Variants in NAT8L observed in about 807,000 individuals in gnomAD.
The protein encoded by NAT8L is N-acetylaspartate synthetase.
Under a neutral mutation model 21.2 loss-of-function variants are expected in NAT8L, and 6 were observed. That is an observed-to-expected ratio of 0.28 (90% CI 0.16 to 0.56). NAT8L has a LOEUF of 0.56. NAT8L is among the 20% of genes least tolerant of loss of function. NAT8L has a pLI of 0.93. For missense variants in NAT8L, 331 were observed against 433.3 expected (o/e 0.76, Z 2.10); for synonymous variants, 239 against 204.9 (o/e 1.17, Z -1.42).
At position 2,060,052 on chromosome 4, in the gene NAT8L, G is replaced by C. The variant is rs1729822887; in HGVS notation, c.376+165G>C. Among the ~76,000 whole-genome samples the C allele has an allele frequency of 1.3e-5, 2 of 151,696 alleles. No homozygotes were observed. Among genetic ancestry groups the C allele is most frequent in the African/African-American group, 4.8e-5 (2 of 41,376 alleles). ...GCGCAGGGCTGGCTATGGGCGTGGG[G>C]ATGGGCGCAGGGCCCCGAGCGGGCC... On this transcript the variant is annotated intron_variant, in intron 1 of 2. Transcript: ENST00000423729. The surrounding 1 kb of genome is among the most constrained non-coding windows in gnomAD (Gnocchi z 4.7).
intron 2 of NAT8L, among the ~76,000 whole-genome samples, chr4:2,061,957 C>T (rs556661592): frequency 6.6e-6 from 1 of 152,282 alleles, no homozygotes; most frequent in South Asian, 2.1e-4. Context: ...CCATGCTCCA[C>T]CCCCGCGCCA....
At chr4:2,062,621 C>G (rs1309028374) in intron 2 of NAT8L, among the ~76,000 whole-genome samples, 2 of 152,030 alleles carry the variant, frequency 1.3e-5, no homozygotes, top group Admixed American at 6.5e-5. Flanking sequence ...AGTGGCTCCC[C>G]CCCACGCTGC....
In NAT8L at chr4:2,064,594, G is replaced by C. The variant is rs569932277; in HGVS notation, c.*467G>C. The C allele has an allele frequency of 6.5e-6, 1 of 153,198 alleles. No individual in the cohort carries two copies. The highest frequency in any genetic ancestry group is 1.5e-5 in the Non-Finnish European group (1 of 68,944). 9.5% of individuals were successfully genotyped at this position (153,198 alleles called of 1,614,324 possible). On this transcript the variant is annotated 3_prime_UTR_variant, in exon 3 of 3. Transcript: ENST00000423729. Reference sequence around the variant, plus strand: ...TCCGCGCATGCCGAGGGTGTGGCCCGGCTGAGCATGCCGCATGCACACAGC... The same window carrying C: ...TCCGCGCATGCCGAGGGTGTGGCCCCGCTGAGCATGCCGCATGCACACAGC...
Position 2,059,355 on chromosome 4 carries a change from C to T in NAT8L, c.-157C>T, listed in dbSNP as rs2108679223. Among the ~76,000 whole-genome samples, 1 of 145,060 alleles carries T rather than the reference C, an allele frequency of 6.9e-6. No individual in the cohort carries two copies. Among genetic ancestry groups the T allele is most frequent in the South Asian group, 2.1e-4 (1 of 4,746 alleles). On this transcript the variant is annotated 5_prime_UTR_variant, in exon 1 of 3. Transcript: ENST00000423729. This position sits in a 1 kb window ranked among gnomAD's most constrained non-coding sequence, Gnocchi z 4.8. ...TGCGCGCGCCCCGGCCGCCCGCCGC[C>T]TCCGCCCCGCGCCCCTGAGCTGCCG...
chr4:2,064,823 G>C lies in NAT8L; in HGVS notation c.*696G>C, dbSNP rs1459532271. On this transcript the variant is annotated 3_prime_UTR_variant, in exon 3 of 3. Transcript: ENST00000423729. The stretch of plus-strand genomic sequence containing the variant: ...TCTGGCTCCGGCCCCTCCCCTGCCT[G>C]GGCTGTGCTGACTGGTGTCATCACC... 2 of 153,250 alleles carry C rather than the reference G, an allele frequency of 1.3e-5. No homozygotes were observed. Among genetic ancestry groups the C allele is most frequent in the Non-Finnish European group, 2.9e-5 (2 of 68,682 alleles). 9.5% of individuals were successfully genotyped at this position (153,250 alleles called of 1,614,324 possible). A position where few individuals can be genotyped will look rare whatever the true frequency, so the allele number is the denominator to read the frequency against.
In NAT8L at chr4:2,067,570, C is replaced by G. The variant is rs1408001689; in HGVS notation, c.*3443C>G. ...GGACCTGGCTCCCCTCTGAGAGGCC[C>G]GCCTGCCCTGGGGCACCCAGGGCTG... is the stretch of plus-strand genomic sequence containing the variant. On this transcript the variant is annotated 3_prime_UTR_variant, in exon 3 of 3. Transcript: ENST00000423729. 1 of 152,292 alleles carries G rather than the reference C, an allele frequency of 6.6e-6. No homozygotes were observed. The highest frequency in any genetic ancestry group is 2.4e-5 in the African/African-American group (1 of 41,456). The allele number at this position is 152,292 out of a possible 1,614,324, so 9.4% of individuals were successfully genotyped here. A position where few individuals can be genotyped will look rare whatever the true frequency, so the allele number is the denominator to read the frequency against.
chr4:2,062,148 C>G (rs942095753), intron 2 of NAT8L, among the ~76,000 whole-genome samples: 2 of 152,160 alleles, frequency 1.3e-5, no homozygotes, highest in Admixed American at 6.5e-5. Context: ...CCCTCTGGGC[C>G]GTGGCCTCCC....
At chr4:2,061,733 C>A (rs57419343) in intron 2 of NAT8L, among the ~76,000 whole-genome samples, 8,298 of 152,184 alleles carry the variant, frequency 0.055, 798 homozygotes, top group African/African-American at 0.19. Flanking sequence ...GTTCTCCACC[C>A]TCGGGCTGGC....
Position 2,068,631 on chromosome 4 carries a change from G to A in NAT8L, c.*4504G>A, listed in dbSNP as rs1443789175. 2 of 152,256 alleles carry A rather than the reference G, an allele frequency of 1.3e-5. No homozygotes were observed. Among genetic ancestry groups the A allele is most frequent in the Non-Finnish European group, 2.9e-5 (2 of 68,058 alleles). 9.4% of individuals were successfully genotyped at this position (152,256 alleles called of 1,614,324 possible). ...TGTAGAGTGTACATGTGTGTTGCAT[G>A]AGCATGCATGCGTGCGAGTGCCTGT... On this transcript the variant is annotated 3_prime_UTR_variant, in exon 3 of 3. Coordinates refer to ENST00000423729, the MANE Select transcript of NAT8L (RefSeq NM_178557.4).
Position 2,065,057 on chromosome 4 carries a change from T to C in NAT8L, c.*930T>C, listed in dbSNP as rs1344081696. On this transcript the variant is annotated 3_prime_UTR_variant, in exon 3 of 3. Coordinates refer to ENST00000423729, the MANE Select transcript of NAT8L (RefSeq NM_178557.4). ...CTTCTCCCAGCCTGAAACCAACACA[T>C]TTTCTAATAAGTTATTTAGACAGAA... The C allele has an allele frequency of 6.6e-6, 1 of 152,600 alleles. No homozygotes were observed. The highest frequency in any genetic ancestry group is 1.5e-5 in the Non-Finnish European group (1 of 68,142). The allele number at this position is 152,600 out of a possible 1,614,324, so 9.5% of individuals were successfully genotyped here. A position where few individuals can be genotyped will look rare whatever the true frequency, so the allele number is the denominator to read the frequency against.
At position 2,064,963 on chromosome 4, in the gene NAT8L, C is replaced by T. The variant is rs1019274422; in HGVS notation, c.*836C>T. Reference sequence around the variant, plus strand: ...CCCAGATGTCCCCGGGGACCTCCTGCCTCTGGCTGACGGTCCACCCTGTGA... The same window carrying T: ...CCCAGATGTCCCCGGGGACCTCCTGTCTCTGGCTGACGGTCCACCCTGTGA... On this transcript the variant is annotated 3_prime_UTR_variant, in exon 3 of 3. Transcript: ENST00000423729. 1 of 152,494 alleles carries T rather than the reference C, an allele frequency of 6.6e-6. No individual in the cohort carries two copies. The highest frequency in any genetic ancestry group is 6.5e-5 in the Admixed American group (1 of 15,288). The allele number at this position is 152,494 out of a possible 1,614,324, so 9.4% of individuals were successfully genotyped here. A position where few individuals can be genotyped will look rare whatever the true frequency, so the allele number is the denominator to read the frequency against.
rs764186986 is a variant in NAT8L, at chr4:2,064,138, T to C, written c.*11T>C. On this transcript the variant is annotated 3_prime_UTR_variant, in exon 3 of 3. Transcript: ENST00000423729. ...CTGCGCGAGGAGTGACCGCCGCCGCTCGCCCGCCCGCCCCCCCGGCCGCCC... is the reference window on the plus strand; with the variant it reads ...CTGCGCGAGGAGTGACCGCCGCCGCCCGCCCGCCCGCCCCCCCGGCCGCCC... 1 of 1,529,778 alleles carries C rather than the reference T, an allele frequency of 6.5e-7. No homozygotes were observed. The highest frequency in any genetic ancestry group is 8.7e-7 in the Non-Finnish European group (1 of 1,143,052). 94.8% of individuals were successfully genotyped at this position (1,529,778 alleles called of 1,614,324 possible). A position where few individuals can be genotyped will look rare whatever the true frequency, so the allele number is the denominator to read the frequency against.
At position 2,064,682 on chromosome 4, in the gene NAT8L, C is replaced by G. The variant is rs1011500975; in HGVS notation, c.*555C>G. On this transcript the variant is annotated 3_prime_UTR_variant, in exon 3 of 3. Transcript: ENST00000423729. ...CCGGGCTGGTGAGCGCCCCTGTCCC[C>G]AGCCCCCAGCTGGCTGTGGGAGGGC... 1 of 153,684 alleles carries G rather than the reference C, an allele frequency of 6.5e-6. No individual in the cohort carries two copies. Among genetic ancestry groups the G allele is most frequent in the Non-Finnish European group, 1.4e-5 (1 of 69,124 alleles). The allele number at this position is 153,684 out of a possible 1,614,324, so 9.5% of individuals were successfully genotyped here. A position where few individuals can be genotyped will look rare whatever the true frequency, so the allele number is the denominator to read the frequency against.
rs1025009646 is a variant in NAT8L at position 2,066,965 on chromosome 4, G to A, written c.*2838G>A. ...TGGACGAGCACTGCAGGCCTGACGA[G>A]AGGCTCCGGGCAGCTGAGGGCTGAA... On this transcript the variant is annotated 3_prime_UTR_variant, in exon 3 of 3. Transcript: ENST00000423729. 6.6e-6 allele frequency: 1 copy of A among 152,312 alleles called. No individual in the cohort carries two copies. Among genetic ancestry groups the A allele is most frequent in the African/African-American group, 2.4e-5 (1 of 41,462 alleles). The allele number at this position is 152,312 out of a possible 1,614,324, so 9.4% of individuals were successfully genotyped here.
chr4:2,062,666 G>A (rs749095895), intron 2 of NAT8L, among the ~76,000 whole-genome samples: 7 of 152,210 alleles, frequency 4.6e-5, no homozygotes, highest in Middle Eastern at 3.4e-3. Context: ...CCCTTTAGCT[G>A]CCTGCCAGGC....
intron 2 of NAT8L, among the ~76,000 whole-genome samples, chr4:2,061,709 G>C (rs185832742): frequency 8.4e-4 from 127 of 151,486 alleles, no homozygotes; most frequent in Middle Eastern, 3.4e-3. Flanking sequence ...TGGGCTCTAG[G>C]GGGGGTGGGG....
chr4:2,060,934 G>T lies in NAT8L; in HGVS notation c.377-64G>T. 1.1e-6 allele frequency: 1 copy of T among 916,272 alleles called. No homozygotes were observed. The highest frequency in any genetic ancestry group is 1.6e-6 in the Non-Finnish European group (1 of 632,910). 56.8% of individuals were successfully genotyped at this position (916,272 alleles called of 1,614,324 possible). On this transcript the variant is annotated intron_variant, in intron 1 of 2. Coordinates refer to ENST00000423729, the MANE Select transcript of NAT8L (RefSeq NM_178557.4). This position sits in a 1 kb window ranked among gnomAD's most constrained non-coding sequence, Gnocchi z 4.7. ...CGCGGCGTCCCTAGCGGGCTTCGCCGGGGTGGCGTCTCTGGGGCCTGGGGA... is the reference window on the plus strand; with the variant it reads ...CGCGGCGTCCCTAGCGGGCTTCGCCTGGGTGGCGTCTCTGGGGCCTGGGGA...
intron 2 of NAT8L, among the ~76,000 whole-genome samples, chr4:2,063,261 C>T (rs1729927473): frequency 6.6e-6 from 1 of 152,264 alleles, no homozygotes; most frequent in Non-Finnish European, 1.5e-5. Flanking sequence ...CCGTGATGGC[C>T]CGGGTGACCC....
rs914439782 is a variant in NAT8L at position 2,060,018 on chromosome 4, C to T, written c.376+131C>T. 2 of 434,718 alleles carry T rather than the reference C, an allele frequency of 4.6e-6. No homozygotes were observed. Among genetic ancestry groups the T allele is most frequent in the Non-Finnish European group, 3.3e-6 (1 of 300,514 alleles). 26.9% of individuals were successfully genotyped at this position (434,718 alleles called of 1,614,324 possible). A position where few individuals can be genotyped will look rare whatever the true frequency, so the allele number is the denominator to read the frequency against. ...GGGAAGCCCCCCGCTTTCTGCCGCG[C>T]CGGGCCCCGCGCAGGGCTGGCTATG... On this transcript the variant is annotated intron_variant, in intron 1 of 2. Coordinates refer to ENST00000423729, the MANE Select transcript of NAT8L (RefSeq NM_178557.4). The surrounding 1 kb of genome is among the most constrained non-coding windows in gnomAD (Gnocchi z 4.7).
Sources: gnomAD v4.1 joint callset for allele counts (sites outside exome capture counted in the v4.1 genomes callset) on GRCh38, gnomAD v4.1.1 for gene constraint, Gnocchi (gnomAD v3.1) non-coding constraint, MANE v1.5 for transcripts, NCBI Gene and HGNC (gene_info 2026-07-23, HGNC 2026-07-21) for gene names.